The following ZC3H4 variants were observed in gnomAD, a reference collection of about 807,000 sequenced individuals.
The protein encoded by ZC3H4 is zinc finger CCCH-type containing 4, also known as zinc finger CCCH domain-containing protein 4.
ZC3H4 carries 13 observed loss-of-function variants against 108.3 expected under a neutral mutation model. The ratio of observed to expected loss-of-function variants is 0.12; its 90% CI spans 0.08 to 0.19. The LOEUF is 0.19. Ranked by LOEUF, ZC3H4 falls within the 10% of genes least tolerant of loss-of-function variation. The probability of loss-of-function intolerance (pLI) is 1.00; values close to 1 mark genes in which losing one functional copy is unlikely to be tolerated. For synonymous variants in ZC3H4, 917 were observed against 749.6 expected (o/e 1.22, Z -3.65); for missense variants, 1,734 against 1,838.8 (o/e 0.94, Z 1.04).
intron 11 of ZC3H4, among the ~76,000 whole-genome samples, chr19:47,079,441 G>A (rs1045650418): frequency 6.0e-5 from 9 of 149,650 alleles, no homozygotes; most frequent in Non-Finnish European, 1.0e-4. Context: ...TGATTCTGTG[G>A]TGCTCCTGTG....
Position 47,085,062 on chromosome 19 carries a change from GTCC to G in ZC3H4, c.1098_1100del (p.Glu366del), listed in dbSNP as rs1381024633. ...CAGAGTGGAGTCAACTCACGCCCAT[GTCC>G]TCGTCATAGAAGTCTTCGTCATCGT... On this transcript the variant is annotated inframe_deletion, in exon 8 of 15. Transcript: ENST00000253048. The G allele has an allele frequency of 6.2e-7, 1 of 1,614,208 alleles. No homozygotes were observed. The highest frequency in any genetic ancestry group is 8.5e-7 in the Non-Finnish European group (1 of 1,180,024).
intron 1 of ZC3H4, 199 bp downstream of exon 1, chr19:47,113,520 GC>G (rs1476822810): frequency 6.6e-6 from 1 of 152,568 alleles, no homozygotes; most frequent in African/African-American, 2.4e-5. Context: ...AAGAAAAGCA[GC>G]CAGGGTAATG....
intron 10 of ZC3H4, 72 bp downstream of exon 10, chr19:47,082,112 G>T: frequency 8.0e-7 from 1 of 1,256,144 alleles, no homozygotes; most frequent in Non-Finnish European, 1.2e-6. Context: ...AAGATTGGCT[G>T]TTACTACCAC....
At chr19:47,073,324 C>T (rs1311435978) in intron 11 of ZC3H4, among the ~76,000 whole-genome samples, 1 of 152,104 alleles carries the variant, frequency 6.6e-6, no homozygotes, top group Non-Finnish European at 1.5e-5. Flanking sequence ...AATCCCAGCA[C>T]TTTGGCAGGC....
rs746935374 is a variant in ZC3H4, at chr19:47,069,248, G to C, written c.2242C>G (p.Pro748Ala). ...LEPDSFSEGGPPGRPKPGAGV... is the reference protein window; with the variant it reads ...LEPDSFSEGGAPGRPKPGAGV... ...GCGCCTGGCTTCGGCCGGCCTGGGG[G>C]CCCTCCCTCAGAGAAGCTGTCGGGC... The change falls in exon 14 of 15, where the codon CCC (proline) becomes GCC (alanine). Residue 748 changes from proline (P) to alanine (A), a missense_variant. Physicochemically the swap from Pro to Ala is conservative, Grantham distance 27. This residue lies in a region of ZC3H4 where 540 missense variants were observed against 484.1 expected (regional missense o/e 1.12). Coordinates refer to ENST00000253048, the MANE Select transcript of ZC3H4 (RefSeq NM_015168.2). The C allele has an allele frequency of 6.2e-6, 10 of 1,613,770 alleles. No individual in the cohort carries two copies. Among genetic ancestry groups the C allele is most frequent in the South Asian group, 2.2e-5 (2 of 91,084 alleles).
At chr19:47,086,058 A>G (rs941999917) in intron 6 of ZC3H4, among the ~76,000 whole-genome samples, 2 of 152,026 alleles carry the variant, frequency 1.3e-5, no homozygotes, top group African/African-American at 4.8e-5. Flanking sequence ...TAGTAGAGAC[A>G]GGGTTTCACC....
intron 2 of ZC3H4, chr19:47,112,059 A>T: frequency 1.1e-6 from 1 of 940,124 alleles, no homozygotes; most frequent in Non-Finnish European, 1.3e-6. Flanking sequence ...GGCAGCCAGG[A>T]CCCCCGTGGG....
At position 47,087,650 on chromosome 19, in the gene ZC3H4, G is replaced by A. The variant is rs563644139; in HGVS notation, c.716-1112C>T. On this transcript the variant is annotated intron_variant, in intron 5 of 14. Transcript: ENST00000253048. ...TCCCAGCACTTTGGGAGGCCAAGGC[G>A]GGTGGATTGCCCGAGCTCAGGAGTT... is the stretch of plus-strand genomic sequence containing the variant. Among the ~76,000 whole-genome samples, 17 of 152,168 alleles carry A rather than the reference G, an allele frequency of 1.1e-4. 1 individual carries two copies. Among genetic ancestry groups the A allele is most frequent in the Admixed American group, 6.5e-4 (10 of 15,278 alleles).
intron 2 of ZC3H4, among the ~76,000 whole-genome samples, chr19:47,101,345 C>T (rs1243625167): frequency 6.6e-6 from 1 of 151,542 alleles, no homozygotes; most frequent in Non-Finnish European, 1.5e-5. Context: ...CTGCTTGAGC[C>T]CAGGAGTTAG....
intron 2 of ZC3H4, among the ~76,000 whole-genome samples, chr19:47,105,064 A>G (rs2057951225): frequency 6.6e-6 from 1 of 152,208 alleles, no homozygotes; most frequent in South Asian, 2.1e-4. Context: ...GAATGGAGCC[A>G]CAGTGGACTG....
rs532761501 is a variant in ZC3H4, at chr19:47,097,731, C to G, written c.162-3123G>C. Among the ~76,000 whole-genome samples, 51 of 152,272 alleles carry G rather than the reference C, an allele frequency of 3.3e-4. 1 individual carries two copies. The South Asian group carries it at 0.011, about 32-fold the overall frequency. On this transcript the variant is annotated intron_variant, in intron 2 of 14. Coordinates refer to ENST00000253048, the MANE Select transcript of ZC3H4 (RefSeq NM_015168.2). Reference sequence around the variant, plus strand: ...TGCCAAGGGAACATGCTTAATAGACCTCGACATAATCCCCCAAGAAAAGTG... The same window carrying G: ...TGCCAAGGGAACATGCTTAATAGACGTCGACATAATCCCCCAAGAAAAGTG...
chr19:47,087,060 T>G (rs1033482782), intron 5 of ZC3H4, among the ~76,000 whole-genome samples: 1 of 151,622 alleles, frequency 6.6e-6, no homozygotes, highest in Non-Finnish European at 1.5e-5. Context: ...CAGATCACCT[T>G]AGGTCAGGAG....
Position 47,068,132 on chromosome 19 carries a change from A to C in ZC3H4, c.2399-263T>G, listed in dbSNP as rs2057253000. Among the ~76,000 whole-genome samples the C allele has an allele frequency of 2.0e-5, 3 of 152,148 alleles. No homozygotes were observed. In the South Asian group the frequency reaches 6.2e-4, roughly 32 times the overall value. Reference sequence around the variant, plus strand: ...TGTTTTATTTAAATAACTCACAACCACCCCAGGAGGTAGTGATACTATCAT... The same window carrying C: ...TGTTTTATTTAAATAACTCACAACCCCCCCAGGAGGTAGTGATACTATCAT... On this transcript the variant is annotated intron_variant, in intron 14 of 14. Coordinates refer to ENST00000253048, the MANE Select transcript of ZC3H4 (RefSeq NM_015168.2).
chr19:47,094,326 C>A, intron 3 of ZC3H4, 63 bp downstream of exon 3: 1 of 1,583,850 alleles, frequency 6.3e-7, no homozygotes, highest in Non-Finnish European at 8.6e-7. Context: ...AAAGCTCAGC[C>A]CCTGGGGCTC....
intron 2 of ZC3H4, among the ~76,000 whole-genome samples, chr19:47,109,717 T>C (rs1318160885): frequency 1.3e-5 from 2 of 152,314 alleles, no homozygotes; most frequent in Admixed American, 6.5e-5. Context: ...AGTTTCCTCA[T>C]CTACATGTGC....
chr19:47,083,826 C>A (rs1346904373), intron 9 of ZC3H4, among the ~76,000 whole-genome samples: 2 of 152,140 alleles, frequency 1.3e-5, no homozygotes, highest in Non-Finnish European at 2.9e-5. Flanking sequence ...TCTGTTGCTG[C>A]CTGGGATACT....
intron 13 of ZC3H4, among the ~76,000 whole-genome samples, chr19:47,070,041 C>G (rs147837870): frequency 2.9e-3 from 434 of 152,194 alleles, no homozygotes; most frequent in Non-Finnish European, 4.6e-3. Flanking sequence ...GGGGACGCAG[C>G]AGGCGTAGAG....
At chr19:47,084,962 G>T in intron 8 of ZC3H4, 94 bp downstream of exon 8, 2 of 1,536,326 alleles carry the variant, frequency 1.3e-6, no homozygotes, top group East Asian at 2.3e-5. Context: ...GCTGATGGCA[G>T]CAAGGATCAG....
At chr19:47,068,755 G>A (rs1174255893) in intron 14 of ZC3H4, among the ~76,000 whole-genome samples, 1 of 152,224 alleles carries the variant, frequency 6.6e-6, no homozygotes, top group African/African-American at 2.4e-5. Flanking sequence ...TGAGAACACG[G>A]TAGGAAAACA....
Sources: allele counts gnomAD v4.1 joint callset (sites outside exome capture counted in the v4.1 genomes callset), GRCh38; gene constraint gnomAD v4.1.1; regional missense constraint gnomAD v4.1.1; transcripts MANE v1.5; gene names NCBI Gene and HGNC (gene_info 2026-07-23, HGNC 2026-07-21).